The following CDKAL1 variants were observed in gnomAD, a reference collection of about 807,000 sequenced individuals.
CDKAL1 encodes the protein threonylcarbamoyladenosine tRNA methylthiotransferase.
CDKAL1 carries 32 observed loss-of-function variants against 68.2 expected under a neutral mutation model. The ratio of observed to expected loss-of-function variants is 0.47; its 90% CI spans 0.35 to 0.63. The LOEUF (loss-of-function observed/expected upper bound fraction) is 0.63. CDKAL1 is among the 30% of genes least tolerant of loss of function. The probability of loss-of-function intolerance (pLI) is 0.00; values close to 1 mark genes in which losing one functional copy is unlikely to be tolerated. For synonymous variants in CDKAL1, 234 were observed against 244.3 expected (o/e 0.96, Z 0.39); for missense variants, 606 against 696.7 (o/e 0.87, Z 1.47).
At chr6:20,901,620 G>T (rs1307974240) in intron 9 of CDKAL1, among the ~76,000 whole-genome samples, 4 of 142,038 alleles carry the variant, frequency 2.8e-5, no homozygotes, top group African/African-American at 7.8e-5. Flanking sequence ...GGCAGAGCTT[G>T]CAGTGAGCCG....
intron 13 of CDKAL1, among the ~76,000 whole-genome samples, chr6:21,146,608 T>C (rs1776178626): frequency 6.6e-6 from 1 of 152,092 alleles, no homozygotes. Flanking sequence ...CCCAGCACTT[T>C]CGGAGGCCGA....
chr6:20,618,270 T>G (rs954413177), intron 4 of CDKAL1, among the ~76,000 whole-genome samples: 1 of 152,224 alleles, frequency 6.6e-6, no homozygotes, highest in African/African-American at 2.4e-5. Context: ...GGTTGTTTTT[T>G]TCTTGTAAAT....
chr6:20,590,514 C>A (rs984969046), intron 4 of CDKAL1, among the ~76,000 whole-genome samples: 1 of 152,050 alleles, frequency 6.6e-6, no homozygotes, highest in Non-Finnish European at 1.5e-5. Context: ...CCTAGCCCCC[C>A]ACTCCCCAAC....
chr6:20,614,873 C>T (rs1388025811), intron 4 of CDKAL1, among the ~76,000 whole-genome samples: 2 of 151,210 alleles, frequency 1.3e-5, no homozygotes, highest in Non-Finnish European at 2.9e-5. Context: ...TGATGCGCTG[C>T]ACCCACTAAC....
At chr6:20,672,389 C>G (rs1769887474) in intron 5 of CDKAL1, among the ~76,000 whole-genome samples, 1 of 151,612 alleles carries the variant, frequency 6.6e-6, no homozygotes, top group African/African-American at 2.4e-5. Flanking sequence ...GAATCTCACT[C>G]TGTCACCCAG....
intron 5 of CDKAL1, among the ~76,000 whole-genome samples, chr6:20,660,303 A>G (rs754496271): frequency 2.8e-4 from 43 of 152,180 alleles, no homozygotes; most frequent in Non-Finnish European, 5.4e-4. Flanking sequence ...AATTCTTTTT[A>G]TGAAGCCTTT....
intron 5 of CDKAL1, among the ~76,000 whole-genome samples, chr6:20,698,152 GTGTC>G (rs1771186546): frequency 6.6e-6 from 1 of 152,136 alleles, no homozygotes. Flanking sequence ...GTATTGCAGT[GTGTC>G]TGTCTGTAAC....
At chr6:20,816,697 GAA>G (rs59348412) in intron 8 of CDKAL1, among the ~76,000 whole-genome samples, 4 of 149,472 alleles carry the variant, frequency 2.7e-5, no homozygotes, top group Non-Finnish European at 4.5e-5. Flanking sequence ...AGAAAACTAA[GAA>G]AAAAAAAATA....
intron 5 of CDKAL1, among the ~76,000 whole-genome samples, chr6:20,697,203 T>G (rs1326797616): frequency 1.3e-5 from 2 of 152,164 alleles, no homozygotes; most frequent in Non-Finnish European, 2.9e-5. Flanking sequence ...TAAACTGATT[T>G]TTTAAAACAA....
intron 11 of CDKAL1, among the ~76,000 whole-genome samples, chr6:21,012,636 G>T (rs890113111): frequency 6.6e-6 from 1 of 152,160 alleles, no homozygotes; most frequent in South Asian, 2.1e-4. Flanking sequence ...CTTGCTTGGT[G>T]GAAATCCTGG....
At chr6:20,858,463 G>A (rs1229167519) in intron 9 of CDKAL1, among the ~76,000 whole-genome samples, 1 of 152,082 alleles carries the variant, frequency 6.6e-6, no homozygotes, top group Non-Finnish European at 1.5e-5. Flanking sequence ...AAACTGATAC[G>A]CCTGTAATGT....
intron 8 of CDKAL1, among the ~76,000 whole-genome samples, chr6:20,805,997 T>G (rs1257718059): frequency 2.0e-5 from 3 of 152,222 alleles, no homozygotes; most frequent in African/African-American, 7.2e-5. Context: ...TATTCTTTTT[T>G]AATTTTCAAC....
intron 9 of CDKAL1, among the ~76,000 whole-genome samples, chr6:20,944,801 A>G (rs547807195): frequency 6.6e-6 from 1 of 152,330 alleles, no homozygotes; most frequent in South Asian, 2.1e-4. Flanking sequence ...TATATATGTT[A>G]TTATAATGGT....
intron 10 of CDKAL1, among the ~76,000 whole-genome samples, chr6:20,996,683 G>A (rs940954681): frequency 2.1e-4 from 32 of 152,122 alleles, no homozygotes; most frequent in African/African-American, 7.5e-4. Flanking sequence ...AATTTAAAAA[G>A]TCTAAAATAT....
chr6:20,602,639 T>G (rs1292307588), intron 4 of CDKAL1, among the ~76,000 whole-genome samples: 3 of 152,212 alleles, frequency 2.0e-5, no homozygotes. Flanking sequence ...TTACCTTTCC[T>G]TGGGAAGTTG....
chr6:20,739,493 A>T, intron 5 of CDKAL1, 26 bp from the exon 6 acceptor site: 1 of 1,460,408 alleles, frequency 6.8e-7, no homozygotes, highest in Non-Finnish European at 9.6e-7. Flanking sequence ...AAAGGAATTC[A>T]CATTGTCTTC....
intron 2 of CDKAL1, among the ~76,000 whole-genome samples, chr6:20,540,077 C>CTTTTTTTTTTTTTTT (rs71538791): frequency 3.8e-5 from 5 of 131,240 alleles, no homozygotes; most frequent in African/African-American, 9.2e-5. Flanking sequence ...TTGGGATTGT[C>CTTTTTTTTTTTTTTT]TTTTTTTTTT....
At chr6:20,948,808 G>C (rs1764385596) in intron 9 of CDKAL1, among the ~76,000 whole-genome samples, 1 of 152,190 alleles carries the variant, frequency 6.6e-6, no homozygotes, top group African/African-American at 2.4e-5. Context: ...AACTTAATCT[G>C]CTTCATTGAG....
chr6:20,973,205 CAA>C (rs1765676629), intron 10 of CDKAL1, among the ~76,000 whole-genome samples: 2 of 151,886 alleles, frequency 1.3e-5, no homozygotes, highest in Non-Finnish European at 2.9e-5. Flanking sequence ...AAAAGGTGCT[CAA>C]GAGTTATCAG....
Sources: gnomAD v4.1 joint callset for allele counts (sites outside exome capture counted in the v4.1 genomes callset) on GRCh38, gnomAD v4.1.1 for gene constraint, MANE v1.5 for transcripts, NCBI Gene and HGNC (gene_info 2026-07-23, HGNC 2026-07-21) for gene names.